Variants in AHCY observed in about 807,000 individuals in gnomAD.
AHCY encodes the protein S-adenosyl-L-homocysteine hydrolase.
AHCY carries 24 observed loss-of-function variants against 45.4 expected under a neutral mutation model. The ratio of observed to expected loss-of-function variants is 0.53; its 90% CI spans 0.38 to 0.74. The LOEUF is 0.74. Ranked by LOEUF, AHCY falls within the 30% of genes least tolerant of loss-of-function variation. The pLI is 0.00. For synonymous variants in AHCY, 245 were observed against 235.1 expected (o/e 1.04, Z -0.39); for missense variants, 449 against 594.1 (o/e 0.76, Z 2.54).
At chr20:34,302,936 G>A (rs1195225396) in intron 1 of AHCY, 18 of 985,336 alleles carry the variant, frequency 1.8e-5, no homozygotes, top group South Asian at 9.4e-5. Flanking sequence ...GCAGGTGCCA[G>A]CCGTCCCAGG....
At chr20:34,269,269 G>A in the AHCY span, 3 of 1,377,606 alleles carry the variant, frequency 2.2e-6, no homozygotes, top group African/African-American at 1.5e-5. Context: ...CTGCAGGCGG[G>A]CGGAGGTTCC....
chr20:34,300,393 C>T (rs912682721), intron 1 of AHCY, among the ~76,000 whole-genome samples: 2 of 152,158 alleles, frequency 1.3e-5, no homozygotes, highest in Non-Finnish European at 2.9e-5. Context: ...CCTCAATCTT[C>T]GGGCCCTATC....
chr20:34,246,540 A>G, the AHCY span: 2 of 1,002,998 alleles, frequency 2.0e-6, no homozygotes, highest in African/African-American at 3.2e-5. Flanking sequence ...ATCTCAGCTC[A>G]CTGCAACCTC....
At chr20:34,308,903 C>T (rs2036920816) in intron 1 of AHCY, among the ~76,000 whole-genome samples, 1 of 151,560 alleles carries the variant, frequency 6.6e-6, no homozygotes, top group Non-Finnish European at 1.5e-5. Context: ...ATCTGCCTGC[C>T]TCGGCCTCCC....
chr20:34,285,017 C>T (rs1350453204), intron 9 of AHCY, among the ~76,000 whole-genome samples: 1 of 152,202 alleles, frequency 6.6e-6, no homozygotes, highest in East Asian at 1.9e-4. Context: ...CACTCATTTA[C>T]CTGCCTAGCC....
At chr20:34,309,776 T>C (rs1399809993) in intron 1 of AHCY, among the ~76,000 whole-genome samples, 1 of 151,554 alleles carries the variant, frequency 6.6e-6, no homozygotes, top group Non-Finnish European at 1.5e-5. Flanking sequence ...AGCAAGACTC[T>C]GTCTCAAAAT....
intron 1 of AHCY, among the ~76,000 whole-genome samples, chr20:34,309,405 G>T (rs574806433): frequency 2.0e-5 from 3 of 152,098 alleles, no homozygotes; most frequent in Non-Finnish European, 4.4e-5. Context: ...GTTTTGGTGC[G>T]CCCTGTAACT....
chr20:34,295,929 C>T (rs2036565391), intron 1 of AHCY, among the ~76,000 whole-genome samples: 1 of 152,108 alleles, frequency 6.6e-6, no homozygotes, highest in African/African-American at 2.4e-5. Context: ...CCAGGCCACT[C>T]CTCACTCCCT....
intron 8 of AHCY, among the ~76,000 whole-genome samples, chr20:34,288,534 G>C (rs1568793221): frequency 6.6e-6 from 1 of 152,042 alleles, no homozygotes; most frequent in African/African-American, 2.4e-5. Flanking sequence ...AGGTGTAGTA[G>C]TGCACATCTG....
At position 34,295,547 on chromosome 20, in the gene AHCY, C is replaced by G. The variant is rs766462838; in HGVS notation, c.67G>C (p.Asp23His). The G allele has an allele frequency of 3.2e-5, 51 of 1,614,032 alleles. No individual in the cohort carries two copies. The highest frequency in any genetic ancestry group is 4.2e-5 in the Non-Finnish European group (49 of 1,180,034). The change falls in exon 2 of 10, where the codon GAC (aspartate) becomes CAC (histidine). Residue 23 changes from aspartate to histidine, a missense_variant. Asp to His is a moderately conservative substitution (Grantham distance 81). Coordinates refer to ENST00000217426, the MANE Select transcript of AHCY (RefSeq NM_000687.4). ...CCCGGCATCTCGTTCTCAGCAATGT[C>G]CAGGGCCTTGCGTCCCCAGGCAGCC... The part of the protein sequence containing the change: ...GLAAWGRKAL[D>H]IAENEMPGLM...
the AHCY span, among the ~76,000 whole-genome samples, chr20:34,237,572 C>T: frequency 6.6e-6 from 1 of 152,282 alleles, no homozygotes; most frequent in Non-Finnish European, 1.5e-5. Flanking sequence ...GGCTTTTCTA[C>T]ATTTAAGATC....
chr20:34,276,414 G>C (rs2035910735), downstream of AHCY, among the ~76,000 whole-genome samples: 1 of 152,092 alleles, frequency 6.6e-6, no homozygotes, highest in South Asian at 2.1e-4. Flanking sequence ...GTTGAGGAGG[G>C]GCATTCAGTA....
chr20:34,300,542 G>A (rs1374930460), intron 1 of AHCY, among the ~76,000 whole-genome samples: 1 of 151,946 alleles, frequency 6.6e-6, no homozygotes, highest in South Asian at 2.1e-4. Flanking sequence ...TCTCGGCCTG[G>A]AAGGCTCCTC....
chr20:34,307,236 A>C (rs949365935), upstream of AHCY, among the ~76,000 whole-genome samples: 1 of 151,344 alleles, frequency 6.6e-6, no homozygotes, highest in Middle Eastern at 3.4e-3. Context: ...TTACAGGTGC[A>C]TGTCGCTACC....
intron 3 of AHCY, among the ~76,000 whole-genome samples, chr20:34,292,738 TCTCTGAGC>T (rs1568801912): frequency 1.3e-5 from 2 of 152,190 alleles, no homozygotes; most frequent in Admixed American, 6.5e-5. Context: ...TCACTTCACC[TCTCTGAGC>T]CTCAGTCTTC....
chr20:34,269,404 G>C, the AHCY span: 1 of 513,720 alleles, frequency 1.9e-6, no homozygotes, highest in South Asian at 3.4e-5. Flanking sequence ...TCGCCACGGA[G>C]TCCCGCGCTG....
chr20:34,232,674 C>T, the AHCY span, among the ~76,000 whole-genome samples: 4 of 152,182 alleles, frequency 2.6e-5, no homozygotes, highest in Non-Finnish European at 4.4e-5. Context: ...TCAGGAGAAG[C>T]ACATGATTTT....
At chr20:34,311,606 C>G (rs2036949158) in exon 1 of AHCY, 3 of 152,354 alleles carry the variant, frequency 2.0e-5, no homozygotes, top group South Asian at 4.1e-4. Flanking sequence ...TCAGCATCCC[C>G]GCTCGCCTCC....
At chr20:34,262,854 G>C in the AHCY span, 1 of 1,614,004 alleles carries the variant, frequency 6.2e-7, no homozygotes, top group Non-Finnish European at 8.5e-7. Flanking sequence ...AATCCAAACA[G>C]ATCGGCAGAA....
Sources: allele counts gnomAD v4.1 joint callset (sites outside exome capture counted in the v4.1 genomes callset), GRCh38; gene constraint gnomAD v4.1.1; transcripts MANE v1.5; gene names NCBI Gene and HGNC (gene_info 2026-07-23, HGNC 2026-07-21).